The following ANO3 variants were observed in gnomAD, a reference collection of about 807,000 sequenced individuals.
The protein encoded by ANO3 is anoctamin-3.
Under a neutral mutation model 144.8 loss-of-function variants are expected in ANO3, and 99 were observed. That is an observed-to-expected ratio of 0.68 (90% CI 0.58 to 0.81). The LOEUF (loss-of-function observed/expected upper bound fraction) is 0.81, where lower values mean the gene tolerates loss of function less well. Ranked by LOEUF, ANO3 falls within the 30% of genes least tolerant of loss-of-function variation. The probability of loss-of-function intolerance (pLI) is 0.00; values close to 1 mark genes in which losing one functional copy is unlikely to be tolerated. For synonymous variants in ANO3, 414 were observed against 392.6 expected (o/e 1.05, Z -0.64); for missense variants, 905 against 1,202.2 (o/e 0.75, Z 3.66).
At chr11:26,503,486 A>AAAGTAT (rs1861283464) in intron 4 of ANO3, among the ~76,000 whole-genome samples, 1 of 152,160 alleles carries the variant, frequency 6.6e-6, no homozygotes, top group Non-Finnish European at 1.5e-5. Flanking sequence ...TACCACTATT[A>AAAGTAT]ACCTTAAAAT....
At chr11:26,553,614 T>C (rs1167441683) in intron 13 of ANO3, among the ~76,000 whole-genome samples, 2 of 152,186 alleles carry the variant, frequency 1.3e-5, no homozygotes, top group Non-Finnish European at 2.9e-5. Flanking sequence ...TATATCTAGA[T>C]TCTTTTTAGC....
At chr11:26,311,634 T>A (rs557480596) in intron 1 of ANO3, among the ~76,000 whole-genome samples, 12 of 152,202 alleles carry the variant, frequency 7.9e-5, no homozygotes, top group Non-Finnish European at 1.6e-4. Context: ...CTAAGTTGAC[T>A]TTTCAAAAAC....
intron 1 of ANO3, among the ~76,000 whole-genome samples, chr11:26,441,298 T>G (rs1427447554): frequency 1.3e-5 from 2 of 151,044 alleles, no homozygotes; most frequent in Non-Finnish European, 3.0e-5. Flanking sequence ...TTTGTATTTT[T>G]AGTAGAGACG....
chr11:26,505,645 G>A (rs991942337), intron 4 of ANO3, among the ~76,000 whole-genome samples: 3 of 152,082 alleles, frequency 2.0e-5, no homozygotes, highest in African/African-American at 7.2e-5. Context: ...TACCAAGTAG[G>A]TGAGAGTGAT....
exon 1 of ANO3, chr11:26,189,064 G>A (rs1590183258): frequency 1.5e-5 from 5 of 330,760 alleles, no homozygotes; most frequent in African/African-American, 4.5e-5. Flanking sequence ...ATAATTACAG[G>A]AAAGCCTATA....
chr11:26,327,736 C>G (rs1854923836), upstream of ANO3, among the ~76,000 whole-genome samples: 1 of 152,148 alleles, frequency 6.6e-6, no homozygotes, highest in African/African-American at 2.4e-5. Flanking sequence ...AAGAACTGCA[C>G]ATACTTAATG....
intron 4 of ANO3, among the ~76,000 whole-genome samples, chr11:26,506,235 A>G (rs780796419): frequency 1.3e-5 from 2 of 152,038 alleles, no homozygotes; most frequent in Non-Finnish European, 2.9e-5. Flanking sequence ...CCTCATTCCT[A>G]GGAGTGTTTA....
intron 14 of ANO3, among the ~76,000 whole-genome samples, chr11:26,584,109 TAAAG>T (rs1205691658): frequency 1.3e-5 from 2 of 152,030 alleles, no homozygotes; most frequent in African/African-American, 4.8e-5. Context: ...ATAAAACAGA[TAAAG>T]AAGGGGCTTC....
chr11:26,409,691 C>T (rs1481550887), intron 1 of ANO3, among the ~76,000 whole-genome samples: 1 of 151,960 alleles, frequency 6.6e-6, no homozygotes, highest in Non-Finnish European at 1.5e-5. Flanking sequence ...GTATCATCTA[C>T]TTTTTTCTTA....
chr11:26,517,155 G>A (rs1003978966), intron 6 of ANO3, among the ~76,000 whole-genome samples: 1 of 151,900 alleles, frequency 6.6e-6, no homozygotes, highest in African/African-American at 2.4e-5. Context: ...TGCCTAGTGG[G>A]AGAGTAAAAC....
intron 1 of ANO3, among the ~76,000 whole-genome samples, chr11:26,254,442 C>A (rs1352601257): frequency 2.0e-5 from 3 of 151,926 alleles, no homozygotes; most frequent in African/African-American, 7.3e-5. Flanking sequence ...AATTACAATC[C>A]CTTTCTATAT....
chr11:26,365,371 G>A (rs1392944799), intron 1 of ANO3, among the ~76,000 whole-genome samples: 1 of 152,152 alleles, frequency 6.6e-6, no homozygotes, highest in Admixed American at 6.5e-5. Flanking sequence ...GGGGGACACT[G>A]GCCCCCTTCC....
intron 1 of ANO3, among the ~76,000 whole-genome samples, chr11:26,234,241 A>T (rs552115153): frequency 6.6e-6 from 1 of 152,286 alleles, no homozygotes; most frequent in East Asian, 1.9e-4. Flanking sequence ...CTACTTTAGG[A>T]TATATTATGG....
intron 3 of ANO3, among the ~76,000 whole-genome samples, chr11:26,455,577 A>G (rs1455145968): frequency 6.6e-6 from 1 of 152,236 alleles, no homozygotes; most frequent in African/African-American, 2.4e-5. Context: ...AAAAGAGGAC[A>G]CAAACAAATG....
At chr11:26,283,643 T>A (rs72874981) in intron 1 of ANO3, among the ~76,000 whole-genome samples, 13,369 of 152,082 alleles carry the variant, frequency 0.088, 784 homozygotes, top group Non-Finnish European at 0.13. Context: ...CAGGCAAATG[T>A]GTGCCCAGTA....
chr11:26,653,953 C>T (rs1232531535), intron 24 of ANO3, among the ~76,000 whole-genome samples: 1 of 152,074 alleles, frequency 6.6e-6, no homozygotes, highest in African/African-American at 2.4e-5. Flanking sequence ...ATTGCAGTGC[C>T]ATTTGTGTCA....
intron 1 of ANO3, among the ~76,000 whole-genome samples, chr11:26,391,191 A>G (rs1324238661): frequency 6.6e-6 from 1 of 152,108 alleles, no homozygotes; most frequent in African/African-American, 2.4e-5. Flanking sequence ...GCCTTCTTGT[A>G]GGAACTCTCT....
intron 17 of ANO3, among the ~76,000 whole-genome samples, chr11:26,617,604 T>C (rs988302736): frequency 1.3e-5 from 2 of 152,222 alleles, no homozygotes; most frequent in African/African-American, 4.8e-5. Flanking sequence ...TAAATATCTA[T>C]TTCTACTTAT....
intron 14 of ANO3, among the ~76,000 whole-genome samples, chr11:26,567,768 T>G (rs1850651051): frequency 6.6e-6 from 1 of 151,964 alleles, no homozygotes; most frequent in Non-Finnish European, 1.5e-5. Context: ...GCCTCAAACC[T>G]AAGTGTTCAT....
Sources: allele counts gnomAD v4.1 joint callset (sites outside exome capture counted in the v4.1 genomes callset), GRCh38; gene constraint gnomAD v4.1.1; transcripts MANE v1.5; gene names NCBI Gene and HGNC (gene_info 2026-07-23, HGNC 2026-07-21).